The following PDGFRL variants were observed in gnomAD, a reference collection of about 807,000 sequenced individuals.
The protein encoded by PDGFRL is platelet-derived growth factor receptor-like protein.
Under a neutral mutation model 37.2 loss-of-function variants are expected in PDGFRL, and 46 were observed. The observed-to-expected ratio is 1.24, with a 90% CI of 0.98 to 1.58. The LOEUF (loss-of-function observed/expected upper bound fraction) is 1.58. Among genes scored for constraint, PDGFRL ranks in the 40% most tolerant of loss-of-function variants. The pLI is 0.00. For synonymous variants in PDGFRL, 251 were observed against 184.3 expected, an observed-to-expected ratio of 1.36 and a Z score of -2.93; for missense variants, 692 against 467.6, an observed-to-expected ratio of 1.48 and a Z score of -4.43.
chr8:17,622,634 G>T (rs1339550809), intron 3 of PDGFRL, among the ~76,000 whole-genome samples: 1 of 152,152 alleles, frequency 6.6e-6, no homozygotes, highest in Admixed American at 6.6e-5. Flanking sequence ...CCAAGTTCTT[G>T]TCTCATGCCA....
chr8:17,577,016 C>A (rs1803596841), upstream of PDGFRL: 2 of 586,886 alleles, frequency 3.4e-6, no homozygotes, highest in Non-Finnish European at 5.8e-6. Context: ...CCTCCCCGCG[C>A]TGGGAAGAAG....
Position 17,589,515 on chromosome 8 carries a change from G to A in PDGFRL, c.103G>A (p.Glu35Lys). Reference sequence around the variant, plus strand: ...GAACAAGCGTCCAAAAGAACCAGGAGAGAATAGAATCAAACCTACCAACAA... The same window carrying A: ...GAACAAGCGTCCAAAAGAACCAGGAAAGAATAGAATCAAACCTACCAACAA... ...PKNKRPKEPG[E>K]NRIKPTNKKV... Residue 35 changes from glutamate to lysine, a missense_variant, in exon 2 of 6, where the codon GAG (glutamate) becomes AAG (lysine). By Grantham distance (56) the Glu-to-Lys change is moderately conservative. Transcript: ENST00000251630. The A allele has an allele frequency of 6.2e-7, 1 of 1,614,014 alleles. No homozygotes were observed. The highest frequency in any genetic ancestry group is 8.5e-7 in the Non-Finnish European group (1 of 1,179,904).
In PDGFRL at chr8:17,643,062, C is replaced by T. The variant is rs1181255495; in HGVS notation, c.*261C>T. Reference sequence around the variant, plus strand: ...TTCCTAGTTTTTATACATGTGTAAACAATTTTATATAATCAATCATTTCTA... The same window carrying T: ...TTCCTAGTTTTTATACATGTGTAAATAATTTTATATAATCAATCATTTCTA... On this transcript the variant is annotated 3_prime_UTR_variant, in exon 6 of 6. Coordinates refer to ENST00000251630, the MANE Select transcript of PDGFRL (RefSeq NM_001372073.1). 2.7e-6 allele frequency: 1 copy of T among 366,406 alleles called. No homozygotes were observed. The highest frequency in any genetic ancestry group is 4.8e-6 in the Non-Finnish European group (1 of 206,460). The allele number at this position is 366,406 out of a possible 1,614,324, so 22.7% of individuals were successfully genotyped here. A position where few individuals can be genotyped will look rare whatever the true frequency, so the allele number is the denominator to read the frequency against.
intron 2 of PDGFRL, among the ~76,000 whole-genome samples, chr8:17,607,094 T>C (rs1455778766): frequency 6.6e-6 from 1 of 151,880 alleles, no homozygotes; most frequent in African/African-American, 2.4e-5. Context: ...TGGGGTTTCC[T>C]CATGTTGGCC....
chr8:17,576,572 C>G (rs553745033), upstream of PDGFRL: 2 of 208,470 alleles, frequency 9.6e-6, no homozygotes, highest in South Asian at 1.7e-4. Flanking sequence ...CTAGCCCGTG[C>G]TTACCCTAAT....
At chr8:17,602,297 T>A (rs1248355452) in intron 2 of PDGFRL, among the ~76,000 whole-genome samples, 7 of 152,126 alleles carry the variant, frequency 4.6e-5, no homozygotes, top group Non-Finnish European at 8.8e-5. Flanking sequence ...ATAGAGGAGA[T>A]GTGGCTGGTC....
At position 17,601,042 on chromosome 8, in the gene PDGFRL, T is replaced by C. The variant is rs527444648; in HGVS notation, c.353+11277T>C. ...CTCCACACCTGGTCATCCTCCTGTG[T>C]CCTTCAGTTCAGAGAATGGCACTAA... On this transcript the variant is annotated intron_variant, in intron 2 of 5. Coordinates refer to ENST00000251630, the MANE Select transcript of PDGFRL (RefSeq NM_001372073.1). Among the ~76,000 whole-genome samples the C allele has an allele frequency of 8.6e-4, 131 of 152,278 alleles. 1 individual carries two copies. The highest frequency in any genetic ancestry group is 3.0e-3 in the African/African-American group (125 of 41,560).
At chr8:17,628,040 C>G (rs1019987641) in intron 3 of PDGFRL, among the ~76,000 whole-genome samples, 23 of 129,728 alleles carry the variant, frequency 1.8e-4, no homozygotes, top group African/African-American at 6.8e-4. Flanking sequence ...GTCGCCCAGG[C>G]TGGAGTGCAG....
chr8:17,589,247 G>A (rs1371562029), intron 1 of PDGFRL, among the ~76,000 whole-genome samples: 1 of 152,058 alleles, frequency 6.6e-6, no homozygotes. Context: ...TGAGTTGGGT[G>A]TGGCGGCGGG....
rs965047921 is a variant in PDGFRL, at chr8:17,596,735, C to T, written c.353+6970C>T. 1.0e-4 allele frequency among the ~76,000 whole-genome samples: 15 copies of T among 150,030 alleles called. 1 individual carries two copies. In the South Asian group the frequency reaches 1.9e-3, roughly 19 times the overall value. On this transcript the variant is annotated intron_variant, in intron 2 of 5. Transcript: ENST00000251630. ...AGAAGAAAGTAATGACAGATGTGGG[C>T]TTCCAAAAACTTATGAAACATTGTG...
At chr8:17,640,424 C>A (rs1805067112) in intron 5 of PDGFRL, among the ~76,000 whole-genome samples, 2 of 152,136 alleles carry the variant, frequency 1.3e-5, no homozygotes, top group Non-Finnish European at 2.9e-5. Context: ...GAGGGAAGAT[C>A]TGGGGCTCAA....
chr8:17,594,165 C>G (rs999983996), intron 2 of PDGFRL, among the ~76,000 whole-genome samples: 1 of 151,868 alleles, frequency 6.6e-6, no homozygotes, highest in Non-Finnish European at 1.5e-5. Context: ...ATGATGTCCT[C>G]AAAGTTCTTT....
chr8:17,627,228 C>G (rs1223240498), intron 3 of PDGFRL, among the ~76,000 whole-genome samples: 1 of 152,194 alleles, frequency 6.6e-6, no homozygotes, highest in Non-Finnish European at 1.5e-5. Context: ...AACTTACAAT[C>G]ATAAAATCAC....
chr8:17,597,690 A>G (rs1325848077), intron 2 of PDGFRL, among the ~76,000 whole-genome samples: 1 of 152,102 alleles, frequency 6.6e-6, no homozygotes, highest in Admixed American at 6.5e-5. Context: ...GCACCCAAAT[A>G]TAATTTGGCA....
chr8:17,582,293 T>G (rs1465778465), intron 1 of PDGFRL, among the ~76,000 whole-genome samples: 2 of 152,066 alleles, frequency 1.3e-5, no homozygotes, highest in Non-Finnish European at 2.9e-5. Context: ...TGGCTGGGTT[T>G]AAAAGCTTAG....
At position 17,610,101 on chromosome 8, in the gene PDGFRL, C is replaced by T. The variant is rs147894261; in HGVS notation, c.354-10950C>T. Among the ~76,000 whole-genome samples, 1,245 of 152,306 alleles carry T rather than the reference C, an allele frequency of 8.2e-3. 12 individuals carry two copies. Among genetic ancestry groups the T allele is most frequent in the Middle Eastern group, 0.041 (12 of 294 alleles). ...CACTCACTGTGCCTGCACGCCTGCC[C>T]ATTAGTAATTCACAGCTTGTTCTCC... On this transcript the variant is annotated intron_variant, in intron 2 of 5. Transcript: ENST00000251630.
At chr8:17,640,645 G>T (rs1805072148) in intron 5 of PDGFRL, among the ~76,000 whole-genome samples, 1 of 152,200 alleles carries the variant, frequency 6.6e-6, no homozygotes, top group Non-Finnish European at 1.5e-5. Flanking sequence ...TCTCAGCCAT[G>T]GATGCCAGCA....
rs145268596 is a variant in PDGFRL, at chr8:17,585,463, C to G, written c.56-4005C>G. On this transcript the variant is annotated intron_variant, in intron 1 of 5. Transcript: ENST00000251630. Reference sequence around the variant, plus strand: ...GGCTTGCTACATCTTGCTACATTTTCCTCTCCATAGTATCGCTTTCCCACC... The same window carrying G: ...GGCTTGCTACATCTTGCTACATTTTGCTCTCCATAGTATCGCTTTCCCACC... 1.6e-3 allele frequency among the ~76,000 whole-genome samples: 249 copies of G among 152,264 alleles called. 1 individual carries two copies. The highest frequency in any genetic ancestry group is 5.9e-3 in the African/African-American group (245 of 41,542).
At chr8:17,619,116 A>C (rs1384190612) in intron 2 of PDGFRL, among the ~76,000 whole-genome samples, 1 of 152,186 alleles carries the variant, frequency 6.6e-6, no homozygotes, top group East Asian at 1.9e-4. Flanking sequence ...CACGGTATTG[A>C]TTCTGCTGCA....
Sources: allele counts gnomAD v4.1 joint callset (sites outside exome capture counted in the v4.1 genomes callset), GRCh38; gene constraint gnomAD v4.1.1; transcripts MANE v1.5; gene names NCBI Gene and HGNC (gene_info 2026-07-23, HGNC 2026-07-21).